Variants in BACH2 observed in about 807,000 individuals in gnomAD.
BACH2 encodes BACH transcriptional regulator 2.
BACH2 carries 5 observed loss-of-function variants against 61.8 expected under a neutral mutation model. That is an observed-to-expected ratio of 0.08 (90% confidence interval 0.04 to 0.17). BACH2 has a LOEUF of 0.17. BACH2 is among the 10% of genes least tolerant of loss of function. BACH2 has a pLI of 1.00. For synonymous variants in BACH2, 446 were observed against 440.1 expected (o/e 1.01, Z -0.17); for missense variants, 824 against 1,091.1 (o/e 0.76, Z 3.45).
At chr6:90,239,611 C>T (rs935512738) in intron 3 of BACH2, among the ~76,000 whole-genome samples, 2 of 152,114 alleles carry the variant, frequency 1.3e-5, no homozygotes, top group African/African-American at 4.8e-5. Flanking sequence ...GCAATATGCA[C>T]ATATTTATGT....
At chr6:90,004,915 G>A (rs143572377) in intron 6 of BACH2, among the ~76,000 whole-genome samples, 24 of 152,078 alleles carry the variant, frequency 1.6e-4, no homozygotes, top group African/African-American at 5.1e-4. Context: ...CAATTACCTG[G>A]GTGTGTTTTT....
chr6:89,963,322 G>T (rs1231369604), intron 6 of BACH2, among the ~76,000 whole-genome samples: 1 of 152,052 alleles, frequency 6.6e-6, no homozygotes, highest in African/African-American at 2.4e-5. Flanking sequence ...TTAAGACAGG[G>T]TCTCACTCTC....
chr6:90,290,277 C>T (rs1425537666), intron 1 of BACH2, among the ~76,000 whole-genome samples: 1 of 152,226 alleles, frequency 6.6e-6, no homozygotes, highest in African/African-American at 2.4e-5. Flanking sequence ...CCATTAGACA[C>T]TCTGGTGTAT....
At chr6:90,158,899 A>G (rs1167191277) in intron 4 of BACH2, among the ~76,000 whole-genome samples, 1 of 152,206 alleles carries the variant, frequency 6.6e-6, no homozygotes, top group African/African-American at 2.4e-5. Context: ...ATGGGGCTGA[A>G]AAATATCATC....
At chr6:90,046,738 T>C (rs939259242) in intron 5 of BACH2, among the ~76,000 whole-genome samples, 2 of 152,112 alleles carry the variant, frequency 1.3e-5, no homozygotes, top group Non-Finnish European at 2.9e-5. Context: ...TAGAGACGCT[T>C]TTGTAAACAA....
At chr6:90,012,757 C>T (rs1355016890) in intron 5 of BACH2, among the ~76,000 whole-genome samples, 1 of 151,962 alleles carries the variant, frequency 6.6e-6, no homozygotes, top group Non-Finnish European at 1.5e-5. Context: ...CCTCCACCTC[C>T]TGGGTTCAAG....
chr6:90,264,905 T>A (rs1771275424), intron 2 of BACH2, among the ~76,000 whole-genome samples: 1 of 152,218 alleles, frequency 6.6e-6, no homozygotes, highest in Non-Finnish European at 1.5e-5. Flanking sequence ...AACAACTGCA[T>A]GTTAGACCTG....
intron 6 of BACH2, among the ~76,000 whole-genome samples, chr6:90,002,506 C>T (rs1777187719): frequency 6.6e-6 from 1 of 152,194 alleles, no homozygotes; most frequent in Non-Finnish European, 1.5e-5. Flanking sequence ...CATGGTGGCT[C>T]ACGCCTTAAT....
At chr6:90,024,703 G>A (rs1778545822) in intron 5 of BACH2, among the ~76,000 whole-genome samples, 2 of 152,172 alleles carry the variant, frequency 1.3e-5, no homozygotes, top group African/African-American at 4.8e-5. Context: ...ACAACTGGCT[G>A]GAAGGGAAAA....
intron 4 of BACH2, among the ~76,000 whole-genome samples, chr6:90,169,926 C>A (rs1309522453): frequency 1.3e-5 from 2 of 151,968 alleles, no homozygotes; most frequent in African/African-American, 4.8e-5. Context: ...AATTGGTGGG[C>A]AGAAAAAAAC....
chr6:90,154,685 A>G (rs758561119), intron 4 of BACH2, among the ~76,000 whole-genome samples: 26 of 152,312 alleles, frequency 1.7e-4, no homozygotes, highest in Middle Eastern at 3.4e-3. Context: ...GGGGAACAAC[A>G]GGCCAGGAAG....
chr6:90,171,654 G>A (rs1348162021), intron 4 of BACH2, among the ~76,000 whole-genome samples: 1 of 151,936 alleles, frequency 6.6e-6, no homozygotes, highest in Admixed American at 6.6e-5. Context: ...ACAAAACAAA[G>A]AATCAAGCTG....
chr6:90,285,480 T>G (rs1368733984), intron 1 of BACH2, among the ~76,000 whole-genome samples: 2 of 152,306 alleles, frequency 1.3e-5, no homozygotes, highest in South Asian at 2.1e-4. Flanking sequence ...GCACATTCCC[T>G]TTTCATTTAT....
chr6:90,109,207 A>AGTGATGATCTCC (rs1167322533), intron 4 of BACH2, among the ~76,000 whole-genome samples: 1 of 152,130 alleles, frequency 6.6e-6, no homozygotes, highest in African/African-American at 2.4e-5. Flanking sequence ...TATGAAGGTT[A>AGTGATGATCTCC]GTGATGATCT....
intron 4 of BACH2, among the ~76,000 whole-genome samples, chr6:90,101,176 C>T (rs1324240948): frequency 6.6e-6 from 1 of 152,182 alleles, no homozygotes; most frequent in Non-Finnish European, 1.5e-5. Flanking sequence ...TAAGTATTTT[C>T]TCCCATCTGT....
chr6:90,124,661 A>C (rs1364512049), intron 4 of BACH2, among the ~76,000 whole-genome samples: 1 of 152,216 alleles, frequency 6.6e-6, no homozygotes, highest in Non-Finnish European at 1.5e-5. Context: ...ACCAGAATTT[A>C]CTTAATGAGC....
chr6:90,155,590 A>G (rs903341025), intron 4 of BACH2, among the ~76,000 whole-genome samples: 2 of 152,182 alleles, frequency 1.3e-5, no homozygotes, highest in Non-Finnish European at 2.9e-5. Flanking sequence ...AACATTCTGT[A>G]AAAACAACAA....
chr6:90,267,876 AC>A (rs1215309798), intron 2 of BACH2, among the ~76,000 whole-genome samples: 1 of 152,192 alleles, frequency 6.6e-6, no homozygotes, highest in East Asian at 1.9e-4. Flanking sequence ...AAGGAAAAGA[AC>A]CAGAGGAGTG....
chr6:90,059,898 T>C (rs1780588609), intron 5 of BACH2, among the ~76,000 whole-genome samples: 1 of 144,170 alleles, frequency 6.9e-6, no homozygotes, highest in Non-Finnish European at 1.5e-5. Flanking sequence ...CACCGCATGT[T>C]CTCACTCATA....
Sources: gnomAD v4.1 joint callset for allele counts (sites outside exome capture counted in the v4.1 genomes callset) on GRCh38, gnomAD v4.1.1 for gene constraint, MANE v1.5 for transcripts, NCBI Gene and HGNC (gene_info 2026-07-23, HGNC 2026-07-21) for gene names.